Variants in SNRNP70 observed in about 807,000 individuals in gnomAD.
SNRNP70 encodes U1 small nuclear ribonucleoprotein 70 kDa.
In SNRNP70, 8 loss-of-function variants were observed where a neutral mutation model predicts 50.5. The observed-to-expected ratio is 0.16, with a 90% CI of 0.09 to 0.29. The LOEUF (loss-of-function observed/expected upper bound fraction) is 0.29. Among genes scored for constraint, SNRNP70 ranks in the 10% least tolerant of loss-of-function variants. SNRNP70 has a pLI of 1.00. For synonymous variants in SNRNP70, 320 were observed against 252.9 expected (o/e 1.27, Z -2.52); for missense variants, 529 against 663.5 (o/e 0.80, Z 2.23).
At chr19:49,089,788 G>A (rs1229650774) in intron 2 of SNRNP70, among the ~76,000 whole-genome samples, 3 of 144,948 alleles carry the variant, frequency 2.1e-5, no homozygotes, top group South Asian at 4.6e-4. Context: ...TCAGCCTCCC[G>A]AGTAGCTGGG....
chr19:49,086,550 C>G lies in SNRNP70; in HGVS notation c.136C>G (p.Arg46Gly), dbSNP rs766242216. 2 of 1,613,724 alleles carry G rather than the reference C, an allele frequency of 1.2e-6. No homozygotes were observed. The highest frequency in any genetic ancestry group is 1.3e-5 in the African/African-American group (1 of 74,884). The change falls in exon 2 of 10, where the codon CGA becomes GGA. Residue 46 changes from arginine to glycine, a missense_variant. Transcript: ENST00000598441. ...QPYCGIAPYIREFEDPRDAPP... is the reference protein window; with the variant it reads ...QPYCGIAPYIGEFEDPRDAPP... ...TTATTGTGGCATTGCGCCGTACATT[C>G]GAGAGTTTGAGGTGAGTTCACTGAG...
At position 49,104,314 on chromosome 19, in the gene SNRNP70, G is replaced by C. The variant is rs1473042290; in HGVS notation, c.476-320G>C. On this transcript the variant is annotated intron_variant, in intron 7 of 9. Transcript: ENST00000598441. The surrounding 1 kb of genome is among the most constrained non-coding windows in gnomAD (Gnocchi z 5.4). ...CTTCAGTTTCTTTGCAGCGATTTTG[G>C]CCGCCCTGGCGGGAGGGGGCTGTTC... The C allele has an allele frequency of 6.6e-6, 2 of 302,764 alleles. No homozygotes were observed. 18.8% of individuals were successfully genotyped at this position (302,764 alleles called of 1,614,324 possible).
chr19:49,104,848 C>G lies in SNRNP70; in HGVS notation c.577+113C>G, dbSNP rs140968811. On this transcript the variant is annotated intron_variant, in intron 8 of 9. Transcript: ENST00000598441. This position sits in a 1 kb window ranked among gnomAD's most constrained non-coding sequence, Gnocchi z 5.4. Reference sequence around the variant, plus strand: ...TCTCCTGCCGGCCCACCTCTCCCATCGCGTCCTCATCTCCGGCTTCTCTCT... The same window carrying G: ...TCTCCTGCCGGCCCACCTCTCCCATGGCGTCCTCATCTCCGGCTTCTCTCT... 2.3e-3 allele frequency: 1,460 copies of G among 631,674 alleles called. 3 individuals are homozygous for G. The highest frequency in any genetic ancestry group is 6.4e-3 in the Middle Eastern group (15 of 2,330). The allele number at this position is 631,674 out of a possible 1,614,324, so 39.1% of individuals were successfully genotyped here. A position where few individuals can be genotyped will look rare whatever the true frequency, so the allele number is the denominator to read the frequency against.
chr19:49,092,431 C>T (rs2040458468), intron 4 of SNRNP70, among the ~76,000 whole-genome samples: 2 of 145,960 alleles, frequency 1.4e-5, no homozygotes, highest in Non-Finnish European at 3.0e-5. Context: ...TTTTTTGAGA[C>T]GGAGTCACGC....
At chr19:49,098,757 G>A (rs983994208) in intron 6 of SNRNP70, 53 bp downstream of exon 6, 3 of 1,443,456 alleles carry the variant, frequency 2.1e-6, no homozygotes, top group Non-Finnish European at 2.9e-6. Flanking sequence ...AGGAGGGGCT[G>A]TATCCTGAGA....
rs2040384507 is a variant in SNRNP70, at chr19:49,086,683, G to A, written c.147+122G>A. The A allele has an allele frequency of 9.6e-5, 86 of 897,948 alleles. 1 individual carries two copies. In the South Asian group the frequency reaches 1.3e-3, roughly 14 times the overall value. 55.6% of individuals were successfully genotyped at this position (897,948 alleles called of 1,614,324 possible). A position where few individuals can be genotyped will look rare whatever the true frequency, so the allele number is the denominator to read the frequency against. ...TTTAAGCGAGGGGCTTAACCTTTGT[G>A]ATCCTCAGTTTCTCTGTTTTAAATG... On this transcript the variant is annotated intron_variant, in intron 2 of 9. Coordinates refer to ENST00000598441, the MANE Select transcript of SNRNP70 (RefSeq NM_003089.6).
At chr19:49,095,018 A>AGGGCGCTGCACGCATACGCTGGCTGTG (rs1333751123) in intron 4 of SNRNP70, among the ~76,000 whole-genome samples, 3 of 152,266 alleles carry the variant, frequency 2.0e-5, no homozygotes, top group South Asian at 4.1e-4. Flanking sequence ...AGCTGCCGTC[A>AGGGCGCTGCACGCATACGCTGGCTGTG]GGGCGCTGCA....
At position 49,107,747 on chromosome 19, in the gene SNRNP70, G is replaced by A; in HGVS notation, c.665+35G>A. On this transcript the variant is annotated intron_variant, in intron 9 of 9. Coordinates refer to ENST00000598441, the MANE Select transcript of SNRNP70 (RefSeq NM_003089.6). The surrounding 1 kb of genome is among the most constrained non-coding windows in gnomAD (Gnocchi z 6.0). ...GGCGACCGGTGTCCTGGGGTGGGGG[G>A]CGGTCACGGGGGGAGCCCAGCCACA... 6.2e-7 allele frequency: 1 copy of A among 1,612,916 alleles called. No homozygotes were observed. Among genetic ancestry groups the A allele is most frequent in the Non-Finnish European group, 8.5e-7 (1 of 1,179,718 alleles).
At chr19:49,106,597 C>G (rs886894864) in intron 8 of SNRNP70, among the ~76,000 whole-genome samples, 1 of 152,150 alleles carries the variant, frequency 6.6e-6, no homozygotes, top group Non-Finnish European at 1.5e-5. Context: ...ATACAGAACT[C>G]AGCCCTGCCT....
At chr19:49,090,436 C>T (rs2040433548) in intron 3 of SNRNP70, 30 bp from the exon 4 acceptor site, 3 of 1,613,864 alleles carry the variant, frequency 1.9e-6, no homozygotes, top group Admixed American at 1.7e-5. Flanking sequence ...TATCTGCATT[C>T]ACTTCTCCAC....
At chr19:49,095,057 G>A (rs932736576) in intron 4 of SNRNP70, among the ~76,000 whole-genome samples, 8 of 152,284 alleles carry the variant, frequency 5.3e-5, no homozygotes, top group African/African-American at 9.6e-5. Context: ...GGCGCTGCCC[G>A]GCATTGGGTC....
intron 4 of SNRNP70, among the ~76,000 whole-genome samples, chr19:49,092,765 T>G (rs2040463586): frequency 6.6e-6 from 1 of 151,984 alleles, no homozygotes. Flanking sequence ...TTTTTTCTTT[T>G]TTGGAAAAAC....
chr19:49,087,328 T>C (rs2122301109), intron 2 of SNRNP70, among the ~76,000 whole-genome samples: 1 of 152,286 alleles, frequency 6.6e-6, no homozygotes, highest in Middle Eastern at 3.4e-3. Flanking sequence ...CTTAATGCAT[T>C]GGTTTCTTTA....
chr19:49,098,124 G>C (rs540719402), intron 4 of SNRNP70, among the ~76,000 whole-genome samples: 17 of 152,190 alleles, frequency 1.1e-4, no homozygotes, highest in Non-Finnish European at 2.5e-4. Context: ...GGCCCTTAGG[G>C]TTTATGTAGG....
chr19:49,101,612 G>C (rs998273029), intron 7 of SNRNP70, 141 bp downstream of exon 7: 1 of 621,134 alleles, frequency 1.6e-6, no homozygotes, highest in African/African-American at 1.9e-5. Flanking sequence ...TGTTTCTGAT[G>C]TATCTTTTTT....
chr19:49,094,482 G>T (rs574358911), intron 4 of SNRNP70, among the ~76,000 whole-genome samples: 1 of 152,294 alleles, frequency 6.6e-6, no homozygotes, highest in Non-Finnish European at 1.5e-5. Context: ...CGGGGTGACA[G>T]AGCAAGACTC....
chr19:49,096,202 C>A (rs143684267), intron 4 of SNRNP70, among the ~76,000 whole-genome samples: 2 of 151,758 alleles, frequency 1.3e-5, no homozygotes, highest in South Asian at 2.1e-4. Context: ...GGACTATAGG[C>A]GCACACCACC....
At chr19:49,105,164 T>C (rs549288333) in intron 8 of SNRNP70, among the ~76,000 whole-genome samples, 1 of 152,100 alleles carries the variant, frequency 6.6e-6, no homozygotes, top group South Asian at 2.1e-4. Context: ...CTTTTACTGA[T>C]TCAGCAAGTA....
chr19:49,106,601 C>T (rs2040672198), intron 8 of SNRNP70, among the ~76,000 whole-genome samples: 1 of 152,110 alleles, frequency 6.6e-6, no homozygotes, highest in Admixed American at 6.6e-5. Context: ...AGAACTCAGC[C>T]CTGCCTCACG....
Sources: allele counts gnomAD v4.1 joint callset (sites outside exome capture counted in the v4.1 genomes callset), GRCh38; gene constraint gnomAD v4.1.1; non-coding constraint Gnocchi (gnomAD v3.1); transcripts MANE v1.5; gene names NCBI Gene and HGNC (gene_info 2026-07-23, HGNC 2026-07-21).